The following LMNB1 variants were observed in gnomAD, a reference collection of about 807,000 sequenced individuals.
LMNB1 encodes the protein lamin B1.
In LMNB1, 23 loss-of-function variants were observed where a neutral mutation model predicts 67.1. That is an observed-to-expected ratio of 0.34 (90% CI 0.25 to 0.49). The LOEUF is 0.49. Among genes scored for constraint, LMNB1 ranks in the 20% least tolerant of loss-of-function variants. LMNB1 has a pLI of 0.99. For missense variants in LMNB1, 634 were observed against 746.5 expected (o/e 0.85, Z 1.76); for synonymous variants, 281 against 282.9 (o/e 0.99, Z 0.07).
chr5:126,777,662 A>T lies in LMNB1; in HGVS notation c.154A>T (p.Ser52Cys). Reference protein sequence around the residue: ...RLAVYIDKVRSLETENSALQL... With the variant: ...RLAVYIDKVRCLETENSALQL... ...GGCGGTGTACATCGACAAGGTGCGCAGCCTGGAGACGGAGAACAGCGCGCT... is the reference window on the plus strand; with the variant it reads ...GGCGGTGTACATCGACAAGGTGCGCTGCCTGGAGACGGAGAACAGCGCGCT... The change falls in exon 1 of 11, where the codon AGC becomes TGC. Residue 52 changes from serine (S) to cysteine (C), a missense_variant. Ser to Cys is a moderately radical substitution (Grantham distance 112). Transcript: ENST00000261366. The T allele has an allele frequency of 6.5e-7, 1 of 1,544,762 alleles. No homozygotes were observed. Among genetic ancestry groups the T allele is most frequent in the Non-Finnish European group, 8.7e-7 (1 of 1,144,808 alleles).
At chr5:126,797,154 T>A (rs370527933) in intron 1 of LMNB1, among the ~76,000 whole-genome samples, 3 of 152,324 alleles carry the variant, frequency 2.0e-5, no homozygotes, top group African/African-American at 7.2e-5. Flanking sequence ...ACCAATAAAA[T>A]TCAAGCTTAC....
intron 1 of LMNB1, among the ~76,000 whole-genome samples, chr5:126,791,040 CAAAT>C (rs949039834): frequency 1.7e-4 from 26 of 151,592 alleles, no homozygotes; most frequent in Middle Eastern, 3.4e-3. Context: ...AATAAATAAA[CAAAT>C]AAACAAATAA....
rs552470909 is a variant in LMNB1 at position 126,813,860 on chromosome 5, AAC to A, written c.939+1968_939+1969del. On this transcript the variant is annotated intron_variant, in intron 5 of 10. Transcript: ENST00000261366. ...TAAACATGAAATTTGTGGGAACACA[AAC>A]ACACAGACTGTATCACTGTCTTTGT... 8.5e-4 allele frequency among the ~76,000 whole-genome samples: 130 copies of A among 152,292 alleles called. 1 individual carries two copies. Among genetic ancestry groups the A allele is most frequent in the African/African-American group, 3.1e-3 (129 of 41,568 alleles).
At chr5:126,776,623 G>A (rs1282729593), upstream of LMNB1, 1 of 152,206 alleles carries the variant, frequency 6.6e-6, no homozygotes, top group Non-Finnish European at 1.5e-5. Flanking sequence ...GCCCTCCAGC[G>A]GAGCGGGGGA....
intron 1 of LMNB1, among the ~76,000 whole-genome samples, chr5:126,793,009 T>G (rs1459180017): frequency 6.6e-6 from 1 of 152,234 alleles, no homozygotes; most frequent in Non-Finnish European, 1.5e-5. Context: ...GGAGCTTTTA[T>G]GTGTGAGGCC....
intron 9 of LMNB1, among the ~76,000 whole-genome samples, chr5:126,828,903 T>C (rs1455110757): frequency 6.6e-6 from 1 of 152,168 alleles, no homozygotes; most frequent in Non-Finnish European, 1.5e-5. Context: ...ACCTTCAGCT[T>C]GCGAGGCTCT....
intron 1 of LMNB1, among the ~76,000 whole-genome samples, chr5:126,791,565 C>A (rs1332034308): frequency 2.7e-5 from 4 of 146,656 alleles, no homozygotes; most frequent in Non-Finnish European, 6.0e-5. Flanking sequence ...TCAAGTGATC[C>A]TCTCACCTTA....
chr5:126,802,423 G>T (rs2112952311), intron 1 of LMNB1, among the ~76,000 whole-genome samples: 1 of 152,238 alleles, frequency 6.6e-6, no homozygotes, highest in African/African-American at 2.4e-5. Context: ...GCAGTTTTAA[G>T]AACAGGTATT....
rs1156630606 is a variant in LMNB1, at chr5:126,822,769, T to C, written c.1387-12T>C. Reference sequence around the variant, plus strand: ...TTGAAGTAACACCCCTCACCCTCCTTTCTGTGTGTAGGATCAACCAATGGG... The same window carrying C: ...TTGAAGTAACACCCCTCACCCTCCTCTCTGTGTGTAGGATCAACCAATGGG... On this transcript the variant is annotated splice_polypyrimidine_tract_variant and intron_variant, in intron 7 of 10. Coordinates refer to ENST00000261366, the MANE Select transcript of LMNB1 (RefSeq NM_005573.4). The C allele has an allele frequency of 1.9e-6, 3 of 1,539,072 alleles. No individual in the cohort carries two copies. The highest frequency in any genetic ancestry group is 1.7e-4 in the Middle Eastern group (1 of 5,942).
intron 1 of LMNB1, among the ~76,000 whole-genome samples, chr5:126,798,640 C>T (rs1243851810): frequency 2.0e-5 from 3 of 151,732 alleles, no homozygotes; most frequent in African/African-American, 7.3e-5. Flanking sequence ...TTTTTTTCTT[C>T]TTGGAAGAGA....
intron 9 of LMNB1, among the ~76,000 whole-genome samples, chr5:126,827,425 C>T (rs990736013): frequency 6.6e-6 from 1 of 152,066 alleles, no homozygotes; most frequent in Non-Finnish European, 1.5e-5. Flanking sequence ...TTTGGGAGGC[C>T]GAAGGTGGGT....
intron 10 of LMNB1, among the ~76,000 whole-genome samples, chr5:126,833,254 G>A (rs1219910661): frequency 6.6e-6 from 1 of 152,182 alleles, no homozygotes; most frequent in African/African-American, 2.4e-5. Flanking sequence ...TTATCTAATT[G>A]AAGATAGATT....
intron 1 of LMNB1, among the ~76,000 whole-genome samples, chr5:126,790,486 C>T (rs1750925273): frequency 6.6e-6 from 1 of 152,054 alleles, no homozygotes; most frequent in Non-Finnish European, 1.5e-5. Context: ...TTACATAGTC[C>T]CCAGCAGAAC....
intron 1 of LMNB1, among the ~76,000 whole-genome samples, chr5:126,784,061 G>C (rs979155467): frequency 9.2e-6 from 1 of 108,504 alleles, no homozygotes; most frequent in Non-Finnish European, 1.7e-5. Context: ...TTTTGCTCTC[G>C]TTGCCCAGGC....
At chr5:126,819,703 G>T (rs569228752) in intron 6 of LMNB1, among the ~76,000 whole-genome samples, 7 of 151,840 alleles carry the variant, frequency 4.6e-5, no homozygotes, top group African/African-American at 1.7e-4. Flanking sequence ...GGCCAGGCTG[G>T]TCTCAAACTC....
chr5:126,798,655 A>T (rs1454180335), intron 1 of LMNB1, among the ~76,000 whole-genome samples: 1 of 152,046 alleles, frequency 6.6e-6, no homozygotes, highest in Non-Finnish European at 1.5e-5. Context: ...AAGAGACATG[A>T]TATTTTACAT....
At chr5:126,809,556 A>T (rs990122849) in intron 3 of LMNB1, among the ~76,000 whole-genome samples, 5 of 152,120 alleles carry the variant, frequency 3.3e-5, no homozygotes, top group Non-Finnish European at 7.3e-5. Context: ...GCATGGTGGT[A>T]TGTGCCTGTA....
chr5:126,778,112 A>G (rs1222759310), intron 1 of LMNB1, among the ~76,000 whole-genome samples: 2 of 152,146 alleles, frequency 1.3e-5, no homozygotes, highest in East Asian at 3.9e-4. Context: ...GATTTTGGAT[A>G]CCCGCTGGGA....
chr5:126,828,160 G>A (rs1038607992), intron 9 of LMNB1, among the ~76,000 whole-genome samples: 1 of 152,182 alleles, frequency 6.6e-6, no homozygotes, highest in Non-Finnish European at 1.5e-5. Context: ...CCATCTTCCT[G>A]TCTATCCCTC....
Sources: gnomAD v4.1 joint callset for allele counts (sites outside exome capture counted in the v4.1 genomes callset) on GRCh38, gnomAD v4.1.1 for gene constraint, MANE v1.5 for transcripts, NCBI Gene and HGNC (gene_info 2026-07-23, HGNC 2026-07-21) for gene names.